The following TMEFF2 variants were observed in gnomAD, a reference collection of about 807,000 sequenced individuals.
TMEFF2 encodes tomoregulin-2.
Under a neutral mutation model 53.8 loss-of-function variants are expected in TMEFF2, and 28 were observed. That is an observed-to-expected ratio of 0.52 (90% CI 0.39 to 0.71). TMEFF2 has a LOEUF of 0.71. TMEFF2 is among the 30% of genes least tolerant of loss of function. TMEFF2 has a pLI of 0.00. For missense variants in TMEFF2, 353 were observed against 455.2 expected (o/e 0.78, Z 2.04); for synonymous variants, 162 against 166.3 (o/e 0.97, Z 0.20).
chr2:191,976,823 C>A (rs935359555), intron 7 of TMEFF2, among the ~76,000 whole-genome samples: 2 of 152,200 alleles, frequency 1.3e-5, no homozygotes, highest in African/African-American at 4.8e-5. Flanking sequence ...CCTATACACA[C>A]TTATGAAGTA....
At chr2:192,134,053 T>C (rs538939707) in intron 4 of TMEFF2, among the ~76,000 whole-genome samples, 3 of 152,226 alleles carry the variant, frequency 2.0e-5, no homozygotes, top group Non-Finnish European at 4.4e-5. Context: ...AGCCATCATG[T>C]CTGCGTGCAG....
chr2:192,120,041 A>T (rs1404664823), intron 4 of TMEFF2, among the ~76,000 whole-genome samples: 1 of 152,164 alleles, frequency 6.6e-6, no homozygotes, highest in Non-Finnish European at 1.5e-5. Flanking sequence ...ACATCTCTTT[A>T]TCAATTAAGA....
At chr2:191,976,715 T>C (rs1044288532) in intron 7 of TMEFF2, among the ~76,000 whole-genome samples, 1 of 152,170 alleles carries the variant, frequency 6.6e-6, no homozygotes, top group African/African-American at 2.4e-5. Flanking sequence ...TGGGAAGAGA[T>C]AGGAGGCCCA....
intron 4 of TMEFF2, among the ~76,000 whole-genome samples, chr2:192,173,922 A>T (rs900937668): frequency 1.3e-5 from 2 of 151,824 alleles, no homozygotes; most frequent in Admixed American, 6.6e-5. Flanking sequence ...ATAAAGAGCA[A>T]AGGTAACATA....
chr2:192,150,374 A>G (rs963763132), intron 4 of TMEFF2, among the ~76,000 whole-genome samples: 4 of 151,886 alleles, frequency 2.6e-5, no homozygotes, highest in Non-Finnish European at 5.9e-5. Context: ...ATTCACTTGT[A>G]TCAAGCCTTG....
intron 4 of TMEFF2, among the ~76,000 whole-genome samples, chr2:192,151,676 A>G (rs376324811): frequency 1.3e-4 from 19 of 151,960 alleles, no homozygotes; most frequent in African/African-American, 4.6e-4. Flanking sequence ...TTGTTCTCAA[A>G]CTTTTCTCTG....
intron 9 of TMEFF2, among the ~76,000 whole-genome samples, chr2:191,952,978 C>T (rs1488376965): frequency 3.3e-5 from 5 of 152,156 alleles, no homozygotes; most frequent in Admixed American, 1.3e-4. Context: ...ATAAATGATA[C>T]GCATTTTGCT....
intron 4 of TMEFF2, among the ~76,000 whole-genome samples, chr2:192,089,982 T>C (rs1688754902): frequency 6.6e-6 from 1 of 152,196 alleles, no homozygotes; most frequent in African/African-American, 2.4e-5. Flanking sequence ...TTGAGAATTC[T>C]ATCCATCCAC....
intron 9 of TMEFF2, 45 bp from the exon 10 acceptor site, chr2:191,950,452 C>G (rs1471479169): frequency 6.2e-7 from 1 of 1,613,682 alleles, no homozygotes; most frequent in Non-Finnish European, 8.5e-7. Flanking sequence ...ATGCTATTAC[C>G]TAAAGTTTGG....
intron 7 of TMEFF2, among the ~76,000 whole-genome samples, chr2:191,989,159 C>A (rs1686047631): frequency 6.6e-6 from 1 of 152,224 alleles, no homozygotes; most frequent in East Asian, 1.9e-4. Context: ...ATGGTCATTT[C>A]TTGGGGGCTA....
At chr2:192,082,274 C>T (rs987676148) in intron 4 of TMEFF2, among the ~76,000 whole-genome samples, 1 of 152,082 alleles carries the variant, frequency 6.6e-6, no homozygotes, top group African/African-American at 2.4e-5. Flanking sequence ...TTCCCTTACC[C>T]GTGGCACACA....
intron 4 of TMEFF2, among the ~76,000 whole-genome samples, chr2:192,143,330 C>G (rs1425456983): frequency 6.6e-6 from 1 of 152,170 alleles, no homozygotes; most frequent in Non-Finnish European, 1.5e-5. Context: ...TACTGCTCAG[C>G]ACTACAGCAA....
intron 7 of TMEFF2, among the ~76,000 whole-genome samples, chr2:191,990,117 C>G (rs779939472): frequency 2.0e-5 from 3 of 152,072 alleles, no homozygotes; most frequent in Non-Finnish European, 2.9e-5. Context: ...GGAGTTTGGT[C>G]CACAAGTTTG....
At chr2:192,093,607 T>C (rs1688839786) in intron 4 of TMEFF2, among the ~76,000 whole-genome samples, 1 of 152,092 alleles carries the variant, frequency 6.6e-6, no homozygotes, top group Non-Finnish European at 1.5e-5. Context: ...TCCTCTTTCT[T>C]TGAAGTTGCT....
chr2:192,008,258 CT>C lies in TMEFF2; in HGVS notation c.537-9051del, dbSNP rs1157811365. Among the ~76,000 whole-genome samples the C allele has an allele frequency of 2.6e-5, 4 of 152,308 alleles. No homozygotes were observed. The East Asian group carries it at 7.7e-4, about 29-fold the overall frequency. Reference sequence around the variant, plus strand: ...GGCAGCAGAGACTTATTAACGCCCACTGTGTTAGTGAGCAAACAAGGCTCCT... The same window carrying C: ...GGCAGCAGAGACTTATTAACGCCCACGTGTTAGTGAGCAAACAAGGCTCCT... On this transcript the variant is annotated intron_variant, in intron 5 of 9. Coordinates refer to ENST00000272771, the MANE Select transcript of TMEFF2 (RefSeq NM_016192.4).
intron 7 of TMEFF2, among the ~76,000 whole-genome samples, chr2:191,991,554 C>G (rs188523865): frequency 3.3e-5 from 5 of 152,146 alleles, no homozygotes; most frequent in Admixed American, 6.6e-5. Context: ...AGAAACCGAG[C>G]CTTCAACTAA....
chr2:192,154,601 C>T (rs990977411), intron 4 of TMEFF2, among the ~76,000 whole-genome samples: 2 of 152,040 alleles, frequency 1.3e-5, no homozygotes, highest in Admixed American at 1.3e-4. Context: ...TGGGATAACA[C>T]ATAAAGTAGC....
intron 8 of TMEFF2, among the ~76,000 whole-genome samples, chr2:191,954,123 G>A (rs978701021): frequency 6.6e-6 from 1 of 151,992 alleles, no homozygotes; most frequent in African/African-American, 2.4e-5. Flanking sequence ...TCCTGACCTC[G>A]TGATCCGCCC....
intron 5 of TMEFF2, among the ~76,000 whole-genome samples, chr2:192,013,311 C>T (rs557171912): frequency 6.6e-6 from 1 of 152,284 alleles, no homozygotes; most frequent in South Asian, 2.1e-4. Flanking sequence ...GCCACCAGCA[C>T]TTTTCACTTG....
Sources: gnomAD v4.1 joint callset for allele counts (sites outside exome capture counted in the v4.1 genomes callset) on GRCh38, gnomAD v4.1.1 for gene constraint, MANE v1.5 for transcripts, NCBI Gene and HGNC (gene_info 2026-07-23, HGNC 2026-07-21) for gene names.